Variants in DLGAP4 observed in about 807,000 individuals in gnomAD.
DLGAP4 encodes the protein disks large-associated protein 4.
A neutral mutation model predicts 86.9 loss-of-function variants in DLGAP4; 18 were observed. The ratio of observed to expected loss-of-function variants is 0.21; its 90% confidence interval spans 0.14 to 0.31. DLGAP4 has a LOEUF of 0.31. DLGAP4 is among the 10% of genes least tolerant of loss of function. The pLI is 1.00. For synonymous variants in DLGAP4, 548 were observed against 574.3 expected, an observed-to-expected ratio of 0.95 and a Z score of 0.65; for missense variants, 1,085 against 1,362.6, an observed-to-expected ratio of 0.80 and a Z score of 3.21.
intron 1 of DLGAP4, among the ~76,000 whole-genome samples, chr20:36,309,605 C>T (rs1258280895): frequency 6.6e-6 from 1 of 152,236 alleles, no homozygotes; most frequent in Non-Finnish European, 1.5e-5. Flanking sequence ...CCCAAAGTCT[C>T]TACAAGAGGG....
intron 7 of DLGAP4, among the ~76,000 whole-genome samples, chr20:36,489,855 CTT>C (rs764797081): frequency 0.015 from 1,574 of 107,916 alleles, 22 homozygotes; most frequent in African/African-American, 0.056. Flanking sequence ...GCTAATTCTT[CTT>C]TTTTTTTTTT....
At chr20:36,505,730 G>C (rs960844103) in intron 10 of DLGAP4, among the ~76,000 whole-genome samples, 3 of 152,186 alleles carry the variant, frequency 2.0e-5, no homozygotes, top group Admixed American at 6.5e-5. Flanking sequence ...AGTGAGCCAA[G>C]ATTGGGCCAC....
intron 3 of DLGAP4, among the ~76,000 whole-genome samples, chr20:36,434,946 T>G (rs1369497125): frequency 2.6e-5 from 4 of 151,994 alleles, no homozygotes; most frequent in Non-Finnish European, 5.9e-5. Context: ...GCTGTGTGCA[T>G]GTGGAGGCGG....
At position 36,500,449 on chromosome 20, in the gene DLGAP4, C is replaced by T. The variant is rs1211862620; in HGVS notation, c.2350C>T (p.Leu784Phe). Residue 784 changes from leucine (L) to phenylalanine (F), a missense_variant, in exon 10 of 13, where the codon CTC becomes TTC. Transcript: ENST00000339266. The surrounding 1 kb of genome is among the most constrained non-coding windows in gnomAD (Gnocchi z 4.6). ...ASSLPPPDPW[L>F]ETSSSSPAEP... The stretch of plus-strand genomic sequence containing the variant: ...CTCGCTGCCCCCACCCGACCCCTGG[C>T]TCGAGACCTCCTCCAGCTCCCCAGC... The T allele has an allele frequency of 1.9e-6, 3 of 1,582,654 alleles. No homozygotes were observed. Among genetic ancestry groups the T allele is most frequent in the South Asian group, 2.3e-5 (2 of 86,532 alleles).
intron 1 of DLGAP4, among the ~76,000 whole-genome samples, chr20:36,317,429 CTT>C (rs2065119931): frequency 1.2e-5 from 1 of 82,276 alleles, no homozygotes; most frequent in Admixed American, 1.4e-4. Context: ...CTTTTCTTTT[CTT>C]CTTTCTTTTC....
At chr20:36,383,256 T>G (rs556096819) in intron 2 of DLGAP4, among the ~76,000 whole-genome samples, 1 of 152,288 alleles carries the variant, frequency 6.6e-6, no homozygotes, top group South Asian at 2.1e-4. Context: ...GCCAGTGATA[T>G]CAGAGAGGTG....
chr20:36,335,250 C>A (rs1192833175), intron 1 of DLGAP4, among the ~76,000 whole-genome samples: 1 of 152,120 alleles, frequency 6.6e-6, no homozygotes, highest in African/African-American at 2.4e-5. Flanking sequence ...GTGATACAAC[C>A]AGAAGATTTT....
intron 10 of DLGAP4, among the ~76,000 whole-genome samples, chr20:36,518,375 GGTTT>G (rs1223194291): frequency 6.6e-6 from 1 of 151,894 alleles, no homozygotes; most frequent in East Asian, 1.9e-4. Context: ...AGTCTGACAG[GGTTT>G]GTTAATTTTA....
intron 2 of DLGAP4, among the ~76,000 whole-genome samples, chr20:36,420,235 G>A (rs771106702): frequency 3.9e-5 from 6 of 152,302 alleles, no homozygotes; most frequent in South Asian, 2.1e-4. Flanking sequence ...TGCTGGAGAC[G>A]CAGTGGTGGC....
chr20:36,326,275 G>A (rs2065215026), intron 1 of DLGAP4, among the ~76,000 whole-genome samples: 1 of 152,050 alleles, frequency 6.6e-6, no homozygotes, highest in Non-Finnish European at 1.5e-5. Flanking sequence ...TTTTCTATTT[G>A]CCCTATCTAT....
chr20:36,521,458 C>G (rs1241435517), intron 10 of DLGAP4, among the ~76,000 whole-genome samples: 1 of 152,200 alleles, frequency 6.6e-6, no homozygotes, highest in Non-Finnish European at 1.5e-5. Flanking sequence ...TTTATTCCCA[C>G]TCTTCTTTAA....
intron 7 of DLGAP4, among the ~76,000 whole-genome samples, chr20:36,460,206 C>A (rs2033987197): frequency 6.6e-6 from 1 of 152,114 alleles, no homozygotes; most frequent in African/African-American, 2.4e-5. Context: ...TGGCTCACGC[C>A]TGTAATCTCA....
At chr20:36,434,498 G>C (rs2033216705) in intron 3 of DLGAP4, among the ~76,000 whole-genome samples, 1 of 152,200 alleles carries the variant, frequency 6.6e-6, no homozygotes, top group South Asian at 2.1e-4. Context: ...ATGTAACAAT[G>C]CCGCAGAAAC....
intron 2 of DLGAP4, among the ~76,000 whole-genome samples, chr20:36,420,383 C>T (rs2032788579): frequency 6.6e-6 from 1 of 152,118 alleles, no homozygotes; most frequent in Non-Finnish European, 1.5e-5. Flanking sequence ...GAGCCAAGTC[C>T]TGAATGAAGT....
chr20:36,526,150 T>C, intron 12 of DLGAP4, 144 bp downstream of exon 12: 1 of 1,224,762 alleles, frequency 8.2e-7, no homozygotes, highest in Non-Finnish European at 1.2e-6. Flanking sequence ...CTGCGTGGGG[T>C]CCATGCTTGG....
Position 36,500,338 on chromosome 20 carries a change from G to A in DLGAP4, c.2239G>A (p.Ala747Thr), listed in dbSNP as rs1421551042. ...TCACCCCAACTCCATCAGCATCGAT[G>A]CCGGTCCCCGGCAGGCCCCCAAGAT... ...TPHPNSISID[A>T]GPRQAPKIAQ... is the part of the protein sequence containing the mutation. The change falls in exon 10 of 13, where the codon GCC becomes ACC. Residue 747 changes from alanine (A) to threonine (T), a missense_variant. Transcript: ENST00000339266. This position sits in a 1 kb window ranked among gnomAD's most constrained non-coding sequence, Gnocchi z 4.6. The A allele has an allele frequency of 1.2e-6, 2 of 1,613,810 alleles. No individual in the cohort carries two copies. Among genetic ancestry groups the A allele is most frequent in the East Asian group, 2.2e-5 (1 of 44,862 alleles).
intron 7 of DLGAP4, among the ~76,000 whole-genome samples, chr20:36,474,241 C>G (rs925670365): frequency 6.6e-6 from 1 of 152,120 alleles, no homozygotes; most frequent in African/African-American, 2.4e-5. Flanking sequence ...GGAGTGGAGT[C>G]AGTTATTTGA....
At chr20:36,501,968 A>G (rs1319825497) in intron 10 of DLGAP4, among the ~76,000 whole-genome samples, 1 of 152,164 alleles carries the variant, frequency 6.6e-6, no homozygotes, top group Non-Finnish European at 1.5e-5. Context: ...CCACCGCCCT[A>G]CCTGGGCCTT....
chr20:36,367,817 C>T (rs968433268), intron 2 of DLGAP4, among the ~76,000 whole-genome samples: 2 of 152,146 alleles, frequency 1.3e-5, no homozygotes, highest in East Asian at 1.9e-4. Flanking sequence ...CGTCTCCAAC[C>T]GTCTGTCTGG....
Sources: allele counts gnomAD v4.1 joint callset (sites outside exome capture counted in the v4.1 genomes callset), GRCh38; gene constraint gnomAD v4.1.1; non-coding constraint Gnocchi (gnomAD v3.1); transcripts MANE v1.5; gene names NCBI Gene and HGNC (gene_info 2026-07-23, HGNC 2026-07-21).